Variants in MYO3B observed in about 807,000 individuals in gnomAD.
MYO3B encodes myosin-IIIb.
A neutral mutation model predicts 174.6 loss-of-function variants in MYO3B; 156 were observed. That is an observed-to-expected ratio of 0.89 (90% confidence interval 0.78 to 1.02). The LOEUF (loss-of-function observed/expected upper bound fraction) is 1.02, where lower values mean the gene tolerates loss of function less well. MYO3B is among the 50% of genes least tolerant of loss of function. The probability of loss-of-function intolerance (pLI) is 0.00; values close to 1 mark genes in which losing one functional copy is unlikely to be tolerated. For missense variants in MYO3B, 1,632 were observed against 1,639.4 expected, an observed-to-expected ratio of 1.00 and a Z score of 0.08; for synonymous variants, 563 against 569.1, an observed-to-expected ratio of 0.99 and a Z score of 0.15.
At chr2:170,514,666 A>G (rs775059324) in intron 28 of MYO3B, among the ~76,000 whole-genome samples, 3 of 152,204 alleles carry the variant, frequency 2.0e-5, no homozygotes, top group Non-Finnish European at 4.4e-5. Context: ...AAATTACCCA[A>G]TGTCATCCAG....
At chr2:170,421,421 A>C (rs1005668911) in intron 22 of MYO3B, among the ~76,000 whole-genome samples, 4 of 152,204 alleles carry the variant, frequency 2.6e-5, no homozygotes, top group Non-Finnish European at 5.9e-5. Flanking sequence ...AGAAGCAAAC[A>C]GTACACTTGT....
chr2:170,536,875 C>T (rs1366175238), intron 30 of MYO3B, among the ~76,000 whole-genome samples: 1 of 151,910 alleles, frequency 6.6e-6, no homozygotes, highest in Admixed American at 6.6e-5. Flanking sequence ...ACTTGCCTCC[C>T]TCAAGATTCT....
intron 32 of MYO3B, among the ~76,000 whole-genome samples, chr2:170,595,080 C>T (rs984512768): frequency 3.3e-5 from 5 of 152,100 alleles, no homozygotes; most frequent in Non-Finnish European, 5.9e-5. Flanking sequence ...GCTCTGACAT[C>T]GAGCCATGGG....
intron 32 of MYO3B, among the ~76,000 whole-genome samples, chr2:170,566,828 C>T (rs1367012966): frequency 1.3e-5 from 2 of 152,114 alleles, no homozygotes; most frequent in Non-Finnish European, 2.9e-5. Flanking sequence ...TTACTGGTAC[C>T]TCCTGGAAAG....
intron 32 of MYO3B, among the ~76,000 whole-genome samples, chr2:170,592,915 TATATATAG>T (rs1239507926): frequency 6.6e-6 from 1 of 152,048 alleles, no homozygotes; most frequent in Non-Finnish European, 1.5e-5. Flanking sequence ...ATGAGATAGA[TATATATAG>T]ATATCTAGAT....
intron 22 of MYO3B, among the ~76,000 whole-genome samples, chr2:170,442,163 A>G (rs1251931660): frequency 6.6e-6 from 1 of 152,150 alleles, no homozygotes; most frequent in Non-Finnish European, 1.5e-5. Flanking sequence ...TCTCGGAGCT[A>G]TATGAATTTA....
At chr2:170,280,401 A>G (rs1019057099) in intron 7 of MYO3B, among the ~76,000 whole-genome samples, 2 of 151,918 alleles carry the variant, frequency 1.3e-5, no homozygotes, top group African/African-American at 2.4e-5. Context: ...ATTTTCTCCC[A>G]TTCTCTAGGT....
intron 26 of MYO3B, among the ~76,000 whole-genome samples, 154 bp downstream of exon 26, chr2:170,498,857 G>C (rs2106073631): frequency 1.3e-5 from 2 of 152,296 alleles, no homozygotes; most frequent in South Asian, 4.1e-4. Flanking sequence ...CAAGAGGTTG[G>C]GGACGTTAGG....
rs908763242 is a variant in MYO3B at position 170,206,208 on chromosome 2, C to T, written c.321+5924C>T. Among the ~76,000 whole-genome samples, 2 of 152,104 alleles carry T rather than the reference C, an allele frequency of 1.3e-5. No homozygotes were observed. Among genetic ancestry groups the T allele is most frequent in the African/African-American group, 2.4e-5 (1 of 41,414 alleles). Reference sequence around the variant, plus strand: ...GTTCCTTTTCACAGAATCTTCTTTCCCTTCATGTCCACCTGCCCCAAACCC... The same window carrying T: ...GTTCCTTTTCACAGAATCTTCTTTCTCTTCATGTCCACCTGCCCCAAACCC... On this transcript the variant is annotated intron_variant, in intron 3 of 34. Transcript: ENST00000408978. The surrounding 1 kb of genome is among the most constrained non-coding windows in gnomAD (Gnocchi z 4.3).
intron 23 of MYO3B, among the ~76,000 whole-genome samples, chr2:170,462,062 C>A (rs1243397451): frequency 6.6e-6 from 1 of 152,212 alleles, no homozygotes; most frequent in African/African-American, 2.4e-5. Flanking sequence ...GAGAGTATAA[C>A]ACGCTCTGCA....
chr2:170,225,834 A>G (rs1192058262), intron 6 of MYO3B, among the ~76,000 whole-genome samples: 1 of 152,212 alleles, frequency 6.6e-6, no homozygotes, highest in Non-Finnish European at 1.5e-5. Context: ...ATAAAATGAA[A>G]TAATGTACTG....
intron 8 of MYO3B, among the ~76,000 whole-genome samples, chr2:170,360,604 C>G (rs2094153347): frequency 6.6e-6 from 1 of 152,142 alleles, no homozygotes; most frequent in Non-Finnish European, 1.5e-5. Context: ...ATTAACATTT[C>G]CTTGTTGCTG....
chr2:170,180,808 A>G (rs1001287253), intron 1 of MYO3B, among the ~76,000 whole-genome samples: 1 of 152,224 alleles, frequency 6.6e-6, no homozygotes, highest in Non-Finnish European at 1.5e-5. Flanking sequence ...AAATATACAC[A>G]TAAAATGACT....
At chr2:170,333,226 T>C (rs1212416679) in intron 7 of MYO3B, among the ~76,000 whole-genome samples, 1 of 152,166 alleles carries the variant, frequency 6.6e-6, no homozygotes, top group East Asian at 1.9e-4. Flanking sequence ...AGAGGTGAGC[T>C]GGCAGGGCAT....
At chr2:170,491,489 G>T (rs896917213) in intron 25 of MYO3B, among the ~76,000 whole-genome samples, 1 of 152,022 alleles carries the variant, frequency 6.6e-6, no homozygotes. Context: ...GCAGTGGCGC[G>T]ATCTCTGCTC....
chr2:170,282,236 G>T (rs866290335), intron 7 of MYO3B, among the ~76,000 whole-genome samples: 1 of 151,896 alleles, frequency 6.6e-6, no homozygotes, highest in Non-Finnish European at 1.5e-5. Flanking sequence ...TATAGTTTGG[G>T]GTCTTAAATT....
chr2:170,463,271 A>C, intron 23 of MYO3B, 97 bp from the exon 24 acceptor site: 1 of 912,644 alleles, frequency 1.1e-6, no homozygotes, highest in Non-Finnish European at 1.8e-6. Context: ...ATGGCCCCTC[A>C]GGTATTTGGC....
chr2:170,302,280 G>A (rs1012707556), intron 7 of MYO3B, among the ~76,000 whole-genome samples: 7 of 152,068 alleles, frequency 4.6e-5, no homozygotes, highest in Non-Finnish European at 8.8e-5. Flanking sequence ...TTTTCTTTTA[G>A]AATTAAAACA....
intron 1 of MYO3B, among the ~76,000 whole-genome samples, chr2:170,197,748 A>G (rs933025591): frequency 2.0e-5 from 3 of 152,142 alleles, no homozygotes; most frequent in Non-Finnish European, 4.4e-5. Flanking sequence ...TGTAGAATCT[A>G]GTGTAGCTTG....
Sources: allele counts gnomAD v4.1 joint callset (sites outside exome capture counted in the v4.1 genomes callset), GRCh38; gene constraint gnomAD v4.1.1; non-coding constraint Gnocchi (gnomAD v3.1); transcripts MANE v1.5; gene names NCBI Gene and HGNC (gene_info 2026-07-23, HGNC 2026-07-21).